The following EPB41L3 variants were observed in gnomAD, a reference collection of about 807,000 sequenced individuals.
EPB41L3 encodes the protein erythrocyte membrane protein band 4.1 like 3.
EPB41L3 carries 57 observed loss-of-function variants against 127.1 expected under a neutral mutation model. The observed-to-expected ratio is 0.45, with a 90% CI of 0.36 to 0.56. The LOEUF (loss-of-function observed/expected upper bound fraction) is 0.56. Ranked by LOEUF, EPB41L3 falls within the 20% of genes least tolerant of loss-of-function variation. The pLI is 0.00. For synonymous variants in EPB41L3, 572 were observed against 549.5 expected (o/e 1.04, Z -0.57); for missense variants, 1,273 against 1,372.2 (o/e 0.93, Z 1.14).
Position 5,509,028 on chromosome 18 carries a change from G to A in EPB41L3, c.-11-19834C>T, listed in dbSNP as rs546205229. On this transcript the variant is annotated intron_variant, in intron 1 of 22. Coordinates refer to ENST00000341928, the MANE Select transcript of EPB41L3 (RefSeq NM_012307.5). ...CAGCAGAGGCCAGCTTCAGAGGCCA[G>A]TAGGGAAAACACCCTTGAAGGTAAT... Among the ~76,000 whole-genome samples, 7 of 152,344 alleles carry A rather than the reference G, an allele frequency of 4.6e-5. No individual in the cohort carries two copies. In the South Asian group the frequency reaches 1.4e-3, roughly 32 times the overall value.
At chr18:5,533,415 T>C (rs149210627) in intron 1 of EPB41L3, among the ~76,000 whole-genome samples, 2 of 152,324 alleles carry the variant, frequency 1.3e-5, no homozygotes, top group East Asian at 3.9e-4. Context: ...GATATGAGCA[T>C]AGGAAAAAAT....
At chr18:5,508,119 A>C (rs563092772) in intron 1 of EPB41L3, 27 of 152,308 alleles carry the variant, frequency 1.8e-4, no homozygotes, top group Non-Finnish European at 3.8e-4. Flanking sequence ...CAATGAAAAT[A>C]AATTTTCTGG....
In EPB41L3 at chr18:5,406,892, G is replaced by A. The variant is rs533817943; in HGVS notation, c.2234C>T (p.Thr745Ile). Residue 745 changes from threonine to isoleucine, a missense_variant, in exon 16 of 23, where the codon ACC (threonine) becomes ATC (isoleucine). This residue lies in a region of EPB41L3 where 765 missense variants were observed against 782.9 expected (regional missense o/e 0.98). Transcript: ENST00000341928. ...ATTCGTTACGGCAGTGTCTGTTGAG[G>A]TTTCTAAGAAGGTTCTTTTCAGCTC... ...ISELKRTFLE[T>I]STDTAVTNEW... 6 of 1,614,130 alleles carry A rather than the reference G, an allele frequency of 3.7e-6. No individual in the cohort carries two copies. The African/African-American group carries it at 5.3e-5, about 14-fold the overall frequency.
At position 5,407,673 on chromosome 18, in the gene EPB41L3, G is replaced by A. The variant is rs762301420; in HGVS notation, c.2157+28C>T. On this transcript the variant is annotated intron_variant, in intron 15 of 22. Coordinates refer to ENST00000341928, the MANE Select transcript of EPB41L3 (RefSeq NM_012307.5). ...CACACACTGTTGTTTTGTTGTTGTT[G>A]TTGTTTGTTTTATTTTTAATTTTCT... is the stretch of plus-strand genomic sequence containing the variant. The A allele has an allele frequency of 5.0e-6, 8 of 1,611,348 alleles. No individual in the cohort carries two copies. The South Asian group carries it at 8.8e-5, about 18-fold the overall frequency.
At chr18:5,413,031 A>G (rs932771349) in intron 13 of EPB41L3, among the ~76,000 whole-genome samples, 1 of 152,198 alleles carries the variant, frequency 6.6e-6, no homozygotes, top group Non-Finnish European at 1.5e-5. Context: ...GAGTCAATAA[A>G]TGAATAAGGC....
chr18:5,526,590 T>G (rs554010673), intron 1 of EPB41L3, among the ~76,000 whole-genome samples: 18 of 152,170 alleles, frequency 1.2e-4, no homozygotes, highest in African/African-American at 1.9e-4. Flanking sequence ...CCTCCTAACA[T>G]GTAGACAGAT....
intron 3 of EPB41L3, among the ~76,000 whole-genome samples, chr18:5,597,469 A>G (rs2094548182): frequency 1.3e-5 from 2 of 152,132 alleles, no homozygotes; most frequent in Non-Finnish European, 2.9e-5. Context: ...ACCTTCTCAG[A>G]ATTTCTGGGT....
rs1210474794 is a variant in EPB41L3, at chr18:5,396,256, T to C, written c.2918A>G (p.Lys973Arg). 7.4e-6 allele frequency: 12 copies of C among 1,614,124 alleles called. No homozygotes were observed. Among genetic ancestry groups the C allele is most frequent in the Middle Eastern group, 1.6e-4 (1 of 6,084 alleles). ...TTCGGTGTGAACTACTGGCACTTCC[T>C]TCGTGGAAATTTCTAGCTTTACTCC... The part of the protein sequence containing the change: ...PGGVKLEIST[K>R]EVPVVHTETK... The change falls in exon 19 of 23, where the codon AAG (lysine) becomes AGG (arginine). Residue 973 changes from lysine (K) to arginine (R), a missense_variant. Lys to Arg is a conservative substitution (Grantham distance 26). Coordinates refer to ENST00000341928, the MANE Select transcript of EPB41L3 (RefSeq NM_012307.5).
chr18:5,409,873 T>C (rs2075983683), intron 14 of EPB41L3, among the ~76,000 whole-genome samples: 1 of 152,084 alleles, frequency 6.6e-6, no homozygotes, highest in African/African-American at 2.4e-5. Context: ...GTAGAGAAGA[T>C]TTGAAAAACA....
intron 3 of EPB41L3, among the ~76,000 whole-genome samples, chr18:5,560,895 T>C (rs1047676339): frequency 1.3e-5 from 2 of 152,100 alleles, no homozygotes; most frequent in South Asian, 2.1e-4. Flanking sequence ...CTGCATGACA[T>C]GTCCAATGAG....
chr18:5,547,093 G>T (rs1218893571), upstream of EPB41L3, among the ~76,000 whole-genome samples: 1 of 152,078 alleles, frequency 6.6e-6, no homozygotes, highest in East Asian at 1.9e-4. Context: ...CTACTATTTA[G>T]CTCTCATCAG....
chr18:5,628,584 C>G (rs1022652450), intron 1 of EPB41L3, among the ~76,000 whole-genome samples: 1 of 152,372 alleles, frequency 6.6e-6, no homozygotes, highest in Admixed American at 6.5e-5. Context: ...CGCCGCCCTT[C>G]GCTCCCGGGA....
At position 5,397,340 on chromosome 18, in the gene EPB41L3, C is replaced by G; in HGVS notation, c.2559G>C (p.Gln853His). Residue 853 changes from glutamine to histidine, a missense_variant, in exon 18 of 23, where the codon CAG becomes CAC. Gln to His is a conservative substitution (Grantham distance 24). Coordinates refer to ENST00000341928, the MANE Select transcript of EPB41L3 (RefSeq NM_012307.5). This position sits in a 1 kb window ranked among gnomAD's most constrained non-coding sequence, Gnocchi z 4.1. ...GCCGCTCCTCCACCAACACGGTCTC[C>G]TGCACCACCTTCTCAGTGCTAAGCG... The part of the protein sequence containing the change: ...HLPLSTEKVV[Q>H]ETVLVEERRV... The G allele has an allele frequency of 6.2e-7, 1 of 1,614,068 alleles. No homozygotes were observed. Among genetic ancestry groups the G allele is most frequent in the Non-Finnish European group, 8.5e-7 (1 of 1,180,036 alleles).
intron 3 of EPB41L3, among the ~76,000 whole-genome samples, chr18:5,474,003 G>C (rs577697354): frequency 3.3e-5 from 5 of 152,028 alleles, no homozygotes; most frequent in Non-Finnish European, 7.4e-5. Flanking sequence ...AGGCCGAGAC[G>C]GGTGGATCAC....
chr18:5,428,407 C>T lies in EPB41L3; in HGVS notation c.971G>A (p.Arg324His), dbSNP rs1392021881. 3 of 1,614,114 alleles carry T rather than the reference C, an allele frequency of 1.9e-6. No individual in the cohort carries two copies. Among genetic ancestry groups the T allele is most frequent in the South Asian group, 1.1e-5 (1 of 91,080 alleles). ...GVCASGLLIY[R>H]DRLRINRFAW... ...AAATCTGTTTATTCGCAGCCGGTCG[C>T]GATATATCAACAGACCACTTGCACA... Residue 324 changes from arginine (R) to histidine (H), a missense_variant, in exon 9 of 23, where the codon CGC (arginine) becomes CAC (histidine). This residue lies in a region of EPB41L3 where 326 missense variants were observed against 440.2 expected (regional missense o/e 0.74). Transcript: ENST00000341928.
rs189574926 is a variant in EPB41L3 at position 5,512,179 on chromosome 18, C to T, written c.-11-22985G>A. On this transcript the variant is annotated intron_variant, in intron 1 of 22. Coordinates refer to ENST00000341928, the MANE Select transcript of EPB41L3 (RefSeq NM_012307.5). ...AACAAAAAAGACATGGATATAAATT[C>T]CCATCCTCAAAAACCTTATAATTTA... is the stretch of plus-strand genomic sequence containing the variant. 1.2e-4 allele frequency among the ~76,000 whole-genome samples: 18 copies of T among 152,260 alleles called. No homozygotes were observed. In the East Asian group the frequency reaches 3.5e-3, roughly 29 times the overall value.
intron 13 of EPB41L3, among the ~76,000 whole-genome samples, chr18:5,412,477 C>T (rs994967764): frequency 3.3e-5 from 5 of 152,108 alleles, no homozygotes; most frequent in Non-Finnish European, 5.9e-5. Context: ...CCGCCTGCCT[C>T]GGCCCCCTAA....
intron 3 of EPB41L3, among the ~76,000 whole-genome samples, chr18:5,564,928 T>C (rs1486403667): frequency 6.6e-6 from 1 of 152,154 alleles, no homozygotes; most frequent in Non-Finnish European, 1.5e-5. Flanking sequence ...AATATAATGG[T>C]AGCATCTGTA....
chr18:5,504,696 A>G (rs1305668480), intron 1 of EPB41L3, among the ~76,000 whole-genome samples: 1 of 152,182 alleles, frequency 6.6e-6, no homozygotes, highest in South Asian at 2.1e-4. Context: ...TGTGGAATCG[A>G]CAAGCTATTT....
Sources: allele counts gnomAD v4.1 joint callset (sites outside exome capture counted in the v4.1 genomes callset), GRCh38; gene constraint gnomAD v4.1.1; regional missense constraint gnomAD v4.1.1; non-coding constraint Gnocchi (gnomAD v3.1); transcripts MANE v1.5; gene names NCBI Gene and HGNC (gene_info 2026-07-23, HGNC 2026-07-21).